MED27: variants seen among roughly 807,000 people sequenced by gnomAD.
The protein encoded by MED27 is mediator complex subunit 27, also known as mediator of RNA polymerase II transcription subunit 27.
MED27 carries 30 observed loss-of-function variants against 38.2 expected under a neutral mutation model. The ratio of observed to expected loss-of-function variants is 0.79; its 90% CI spans 0.59 to 1.07. The LOEUF is 1.07. Ranked by LOEUF, MED27 falls within the 50% of genes least tolerant of loss-of-function variation. The pLI, the probability that MED27 is intolerant of heterozygous loss-of-function variation, is 0.00. For missense variants in MED27, 289 were observed against 397.5 expected (o/e 0.73, Z 2.32); for synonymous variants, 122 against 153.5 (o/e 0.79, Z 1.52).
At chr9:132,044,597 G>A (rs1833291217) in intron 2 of MED27, among the ~76,000 whole-genome samples, 1 of 152,234 alleles carries the variant, frequency 6.6e-6, no homozygotes, top group Non-Finnish European at 1.5e-5. Context: ...CAGATTTTCA[G>A]TGTGTAAGCT....
intron 4 of MED27, among the ~76,000 whole-genome samples, chr9:131,904,193 C>T (rs2131523198): frequency 6.6e-6 from 1 of 152,246 alleles, no homozygotes; most frequent in East Asian, 1.9e-4. Flanking sequence ...GCCACTGCGA[C>T]CAGCCCAGCT....
chr9:131,998,104 C>T (rs1262152481), intron 3 of MED27, among the ~76,000 whole-genome samples: 2 of 152,108 alleles, frequency 1.3e-5, no homozygotes, highest in Admixed American at 1.3e-4. Context: ...AGTGCTGAAA[C>T]CATCCCCTCC....
chr9:131,948,076 AAG>A (rs1351492218), intron 3 of MED27, among the ~76,000 whole-genome samples: 1 of 152,240 alleles, frequency 6.6e-6, no homozygotes, highest in Non-Finnish European at 1.5e-5. Context: ...ATGCTGAAGA[AAG>A]AGATTGGAAG....
chr9:131,934,913 C>T (rs1319932902), intron 4 of MED27, among the ~76,000 whole-genome samples: 1 of 152,160 alleles, frequency 6.6e-6, no homozygotes, highest in Non-Finnish European at 1.5e-5. Context: ...TCTGCAACAA[C>T]ATGGGTGGAA....
rs1034900992 is a variant in MED27, at chr9:131,982,756, G to A, written c.479+31581C>T. On this transcript the variant is annotated intron_variant, in intron 3 of 7. Transcript: ENST00000292035. The surrounding 1 kb of genome is among the most constrained non-coding windows in gnomAD (Gnocchi z 4.3). ...GGAGTAAATATTGTCAGCTTTTCTG[G>A]CTACAGGATCTGCCGCAATGCCTGA... Among the ~76,000 whole-genome samples the A allele has an allele frequency of 6.6e-6, 1 of 152,178 alleles. No homozygotes were observed. Among genetic ancestry groups the A allele is most frequent in the Non-Finnish European group, 1.5e-5 (1 of 68,030 alleles).
At chr9:131,954,377 T>G (rs1831053908) in intron 3 of MED27, among the ~76,000 whole-genome samples, 1 of 152,058 alleles carries the variant, frequency 6.6e-6, no homozygotes, top group South Asian at 2.1e-4. Flanking sequence ...TTTTGCCCTT[T>G]TCAAAGGAGT....
At chr9:132,024,561 T>C (rs1041280528) in intron 2 of MED27, among the ~76,000 whole-genome samples, 3 of 152,184 alleles carry the variant, frequency 2.0e-5, no homozygotes, top group East Asian at 3.8e-4. Flanking sequence ...AGATAACAAA[T>C]TGATAAATGT....
intron 3 of MED27, among the ~76,000 whole-genome samples, chr9:132,004,179 CT>C (rs1589260679): frequency 6.6e-6 from 1 of 152,288 alleles, no homozygotes; most frequent in East Asian, 1.9e-4. Context: ...AGATTTCAGT[CT>C]GTGGCTTATT....
intron 2 of MED27, among the ~76,000 whole-genome samples, chr9:132,067,546 A>G (rs973457965): frequency 6.6e-6 from 1 of 152,204 alleles, no homozygotes; most frequent in Non-Finnish European, 1.5e-5. Flanking sequence ...AGAAGTGGCA[A>G]AAAGAAGAAG....
At chr9:132,028,918 T>C (rs1832888265) in intron 2 of MED27, among the ~76,000 whole-genome samples, 1 of 152,318 alleles carries the variant, frequency 6.6e-6, no homozygotes, top group East Asian at 1.9e-4. Context: ...ACAATCATAG[T>C]ACACTCTCAA....
intron 5 of MED27, among the ~76,000 whole-genome samples, chr9:131,890,606 C>T (rs1480508628): frequency 1.3e-5 from 2 of 152,176 alleles, no homozygotes; most frequent in East Asian, 3.9e-4. Context: ...TTTTCATATC[C>T]CAAGTAGGCT....
intron 2 of MED27, among the ~76,000 whole-genome samples, chr9:132,072,616 T>C (rs1453206882): frequency 6.6e-6 from 1 of 152,046 alleles, no homozygotes; most frequent in African/African-American, 2.4e-5. Flanking sequence ...CAGGGCAGTC[T>C]ATACTACAGC....
chr9:132,009,822 C>T (rs957001254), intron 3 of MED27, among the ~76,000 whole-genome samples: 1 of 152,134 alleles, frequency 6.6e-6, no homozygotes, highest in Non-Finnish European at 1.5e-5. Context: ...TGGAGGATTT[C>T]GGTGTTTTAT....
chr9:131,863,959 C>T (rs1838694650), intron 6 of MED27, among the ~76,000 whole-genome samples: 1 of 152,170 alleles, frequency 6.6e-6, no homozygotes, highest in South Asian at 2.1e-4. Flanking sequence ...CACCCCCTGA[C>T]CTGGATCCAG....
At position 131,997,905 on chromosome 9, in the gene MED27, TTTGG is replaced by T. The variant is rs532007234; in HGVS notation, c.479+16428_479+16431del. 4.6e-5 allele frequency among the ~76,000 whole-genome samples: 7 copies of T among 152,324 alleles called. No homozygotes were observed. In the South Asian group the frequency reaches 1.4e-3, roughly 32 times the overall value. ...TGTTCCTTCCCTCACTGCAGACTGC[TTTGG>T]TTGGTGATCTCTCATCTAATTTCTT... On this transcript the variant is annotated intron_variant, in intron 3 of 7. Transcript: ENST00000292035. The surrounding 1 kb of genome is among the most constrained non-coding windows in gnomAD (Gnocchi z 4.0).
intron 2 of MED27, among the ~76,000 whole-genome samples, chr9:132,045,328 T>C (rs1833306486): frequency 6.6e-6 from 1 of 152,048 alleles, no homozygotes; most frequent in Non-Finnish European, 1.5e-5. Flanking sequence ...AATAGAATGT[T>C]GTATGTATGG....
intron 2 of MED27, among the ~76,000 whole-genome samples, chr9:132,072,662 T>TG (rs1163867779): frequency 6.6e-6 from 1 of 152,036 alleles, no homozygotes; most frequent in Non-Finnish European, 1.5e-5. Context: ...TTTTGAGTGA[T>TG]GGGGTGCTAC....
At chr9:132,045,052 G>C (rs1013307421) in intron 2 of MED27, among the ~76,000 whole-genome samples, 8 of 151,724 alleles carry the variant, frequency 5.3e-5, no homozygotes, top group Non-Finnish European at 1.2e-4. Context: ...CAACAGATTT[G>C]GCTATGAAAT....
intron 2 of MED27, among the ~76,000 whole-genome samples, chr9:132,036,556 G>A (rs529170196): frequency 8.5e-5 from 13 of 152,152 alleles, no homozygotes; most frequent in South Asian, 2.1e-4. Flanking sequence ...GCCGGCATGC[G>A]CTGCTTCTTA....
Sources: gnomAD v4.1 joint callset for allele counts (sites outside exome capture counted in the v4.1 genomes callset) on GRCh38, gnomAD v4.1.1 for gene constraint, Gnocchi (gnomAD v3.1) non-coding constraint, MANE v1.5 for transcripts, NCBI Gene and HGNC (gene_info 2026-07-23, HGNC 2026-07-21) for gene names.